The following FASTKD3 variants were observed in gnomAD, a reference collection of about 807,000 sequenced individuals.
FASTKD3 encodes the protein FAST kinase domain-containing protein 3, mitochondrial.
FASTKD3 carries 47 observed loss-of-function variants against 49.7 expected under a neutral mutation model. That is an observed-to-expected ratio of 0.95 (90% CI 0.75 to 1.21). FASTKD3 has a LOEUF of 1.21. FASTKD3 is among the 50% of genes most tolerant of loss of function. The pLI is 0.00. For missense variants in FASTKD3, 748 were observed against 765.7 expected (o/e 0.98, Z 0.27); for synonymous variants, 284 against 288.6 (o/e 0.98, Z 0.16).
intron 6 of FASTKD3, 77 bp from the exon 7 acceptor site, chr5:7,859,616 G>C: frequency 1.1e-6 from 1 of 914,830 alleles, no homozygotes; most frequent in South Asian, 1.7e-5. Flanking sequence ...TACTTTGTTT[G>C]TTTCTTACAC....
Position 7,865,884 on chromosome 5 carries a change from G to A in FASTKD3, c.1524+14C>T. On this transcript the variant is annotated intron_variant, in intron 3 of 6. Transcript: ENST00000264669. ...CCATGGGGAAATAAAGCCACATATAGTTCATGCTTTTACCTTATAGAAAGG... is the reference window on the plus strand; with the variant it reads ...CCATGGGGAAATAAAGCCACATATAATTCATGCTTTTACCTTATAGAAAGG... 1 of 1,603,740 alleles carries A rather than the reference G, an allele frequency of 6.2e-7. No homozygotes were observed. Among genetic ancestry groups the A allele is most frequent in the Non-Finnish European group, 8.5e-7 (1 of 1,170,586 alleles).
rs777537910 is a variant in FASTKD3, at chr5:7,868,105, TAACTA to T, written c.-27_-23del. On this transcript the variant is annotated 5_prime_UTR_variant, in exon 2 of 7. Coordinates refer to ENST00000264669, the MANE Select transcript of FASTKD3 (RefSeq NM_024091.4). ...CCATACCATCAGATTCTCAATTTGA[TAACTA>T]AATTAAAAAATTTAAAAACACATGG... The T allele has an allele frequency of 1.3e-6, 2 of 1,513,582 alleles. No individual in the cohort carries two copies. Among genetic ancestry groups the T allele is most frequent in the South Asian group, 2.5e-5 (2 of 79,194 alleles). The allele number at this position is 1,513,582 out of a possible 1,614,324, so 93.8% of individuals were successfully genotyped here.
intron 6 of FASTKD3, among the ~76,000 whole-genome samples, chr5:7,860,662 G>A (rs1186717773): frequency 6.6e-6 from 1 of 152,214 alleles, no homozygotes; most frequent in Admixed American, 6.5e-5. Context: ...AGTTAGTACT[G>A]TAAAAGCAAA....
rs770559770 is a variant in FASTKD3, at chr5:7,867,544, A to T, written c.540T>A (p.Thr180=). The T allele has an allele frequency of 6.2e-7, 1 of 1,614,278 alleles. No homozygotes were observed. The highest frequency in any genetic ancestry group is 8.5e-7 in the Non-Finnish European group (1 of 1,180,046). The part of the protein sequence containing the change: ...PSQLSNTSLV[T]ALQALILLHV... ...GCAACAGAATCAGAGCTTGCAAAGC[A>T]GTCACTAAACTAGTGTTTGACAGCT... Residue 180 remains threonine, a synonymous_variant, in exon 2 of 7, where the codon ACT becomes ACA. Transcript: ENST00000264669.
intron 2 of FASTKD3, 100 bp downstream of exon 2, chr5:7,866,546 G>A (rs1353121126): frequency 2.2e-6 from 2 of 900,568 alleles, no homozygotes; most frequent in Non-Finnish European, 1.7e-6. Context: ...CACTATGGAA[G>A]AAAAACTAAA....
At chr5:7,864,401 T>A (rs1746784844) in intron 3 of FASTKD3, among the ~76,000 whole-genome samples, 1 of 152,164 alleles carries the variant, frequency 6.6e-6, no homozygotes, top group African/African-American at 2.4e-5. Flanking sequence ...GCTCTTGAGA[T>A]AGGAACCTCG....
intron 6 of FASTKD3, among the ~76,000 whole-genome samples, chr5:7,860,858 A>G (rs1746487030): frequency 6.6e-6 from 1 of 152,340 alleles, no homozygotes; most frequent in Admixed American, 6.5e-5. Flanking sequence ...TCACAAACTA[A>G]TAATTATATA....
rs1561096718 is a variant in FASTKD3, at chr5:7,862,815, C to T, written c.1699+8G>A. On this transcript the variant is annotated splice_region_variant and intron_variant, in intron 4 of 6. Transcript: ENST00000264669. ...GTTTAAAACAACAAAACTCCTTATACTACTTACCTATTGTATAACAATAGG... is the reference window on the plus strand; with the variant it reads ...GTTTAAAACAACAAAACTCCTTATATTACTTACCTATTGTATAACAATAGG... 6.2e-7 allele frequency: 1 copy of T among 1,606,936 alleles called. No individual in the cohort carries two copies. Among genetic ancestry groups the T allele is most frequent in the East Asian group, 2.2e-5 (1 of 44,824 alleles).
At position 7,867,677 on chromosome 5, in the gene FASTKD3, C is replaced by T. The variant is rs368807642; in HGVS notation, c.407G>A (p.Arg136Gln). Residue 136 changes from arginine to glutamine, a missense_variant, in exon 2 of 7, where the codon CGA becomes CAA. This residue lies in a region of FASTKD3 where 564 missense variants were observed against 562.8 expected (regional missense o/e 1.00). Transcript: ENST00000264669. The stretch of plus-strand genomic sequence containing the variant: ...ATCCTTTTTTTCCACTTCACAAATT[C>T]GTTGTAAAGCTCCTGCTGCCATAGT... ...PDTMAAGALQ[R>Q]ICEVEKKDGD... is the part of the protein sequence containing the mutation. 3 of 1,614,182 alleles carry T rather than the reference C, an allele frequency of 1.9e-6. No homozygotes were observed. Among genetic ancestry groups the T allele is most frequent in the Non-Finnish European group, 2.5e-6 (3 of 1,180,028 alleles).
rs760463122 is a variant in FASTKD3 at position 7,861,794 on chromosome 5, C to T, written c.1700-142G>A. On this transcript the variant is annotated intron_variant, in intron 4 of 6. Coordinates refer to ENST00000264669, the MANE Select transcript of FASTKD3 (RefSeq NM_024091.4). ...GAAGGCTGCAAAGTAATGACCACAA[C>T]CAAACAATGGTGAGAATTTTAATTC... 21 of 1,392,914 alleles carry T rather than the reference C, an allele frequency of 1.5e-5. No homozygotes were observed. In the South Asian group the frequency reaches 3.4e-4, roughly 23 times the overall value. 86.3% of individuals were successfully genotyped at this position (1,392,914 alleles called of 1,614,324 possible).
rs759894376 is a variant in FASTKD3 at position 7,867,854 on chromosome 5, C to A, written c.230G>T (p.Gly77Val). 2 of 1,614,166 alleles carry A rather than the reference C, an allele frequency of 1.2e-6. No individual in the cohort carries two copies. The highest frequency in any genetic ancestry group is 2.2e-5 in the South Asian group (2 of 91,078). The change falls in exon 2 of 7, where the codon GGT (glycine) becomes GTT (valine). Residue 77 changes from glycine to valine, a missense_variant. Physicochemically the swap from Gly to Val is moderately radical, Grantham distance 109. Around this residue, in one of 3 missense-constraint regions of FASTKD3, gnomAD observed 564 missense variants for 562.8 expected, o/e 1.00. Transcript: ENST00000264669. ...AGATACTTGAGAGAACACTGGTCCA[C>A]CGAGTGGATGAAGGTCATTTCCATT... Reference protein sequence around the residue: ...SKNGNDLHPLGGPVFSQVSDC... With the variant: ...SKNGNDLHPLVGPVFSQVSDC...
chr5:7,864,037 G>A (rs1746753030), intron 3 of FASTKD3, among the ~76,000 whole-genome samples: 1 of 152,122 alleles, frequency 6.6e-6, no homozygotes, highest in Admixed American at 6.5e-5. Flanking sequence ...TTTTAGTAGA[G>A]ACAGGGTTTC....
chr5:7,860,728 T>G (rs1034070874), intron 6 of FASTKD3, among the ~76,000 whole-genome samples: 1 of 152,254 alleles, frequency 6.6e-6, no homozygotes, highest in African/African-American at 2.4e-5. Context: ...AGTTGGGCCT[T>G]GAAAATAACC....
chr5:7,866,033 A>G lies in FASTKD3; in HGVS notation c.1439-50T>C, dbSNP rs921489337. On this transcript the variant is annotated intron_variant, in intron 2 of 6. Coordinates refer to ENST00000264669, the MANE Select transcript of FASTKD3 (RefSeq NM_024091.4). Reference sequence around the variant, plus strand: ...TAGTTACGTCTGAATTGAGGTATGTATGAGAGAACATCATGAACATTCAAC... The same window carrying G: ...TAGTTACGTCTGAATTGAGGTATGTGTGAGAGAACATCATGAACATTCAAC... 3.0e-6 allele frequency: 4 copies of G among 1,340,866 alleles called. No homozygotes were observed. The African/African-American group carries it at 4.3e-5, about 14-fold the overall frequency. 83.1% of individuals were successfully genotyped at this position (1,340,866 alleles called of 1,614,324 possible). A position where few individuals can be genotyped will look rare whatever the true frequency, so the allele number is the denominator to read the frequency against.
intron 6 of FASTKD3, among the ~76,000 whole-genome samples, chr5:7,860,934 T>C (rs1746492131): frequency 6.6e-6 from 1 of 152,200 alleles, no homozygotes; most frequent in Non-Finnish European, 1.5e-5. Flanking sequence ...ACCAGTCAAG[T>C]AGATTCTTTG....
At chr5:7,863,636 T>C (rs985453250) in intron 3 of FASTKD3, among the ~76,000 whole-genome samples, 6 of 152,184 alleles carry the variant, frequency 3.9e-5, no homozygotes, top group Admixed American at 2.0e-4. Flanking sequence ...AAATGTGATA[T>C]AAATGACATT....
rs1746373787 is a variant in FASTKD3 at position 7,859,437 on chromosome 5, A to T, written c.1987T>A (p.Ter663ArgextTer20). 1 of 1,583,018 alleles carries T rather than the reference A, an allele frequency of 6.3e-7. No homozygotes were observed. The highest frequency in any genetic ancestry group is 8.6e-7 in the Non-Finnish European group (1 of 1,158,362). Residue 663 changes from the stop codon to arginine, a stop_lost, in exon 7 of 7, where the codon TGA (stop) becomes AGA (arginine). Transcript: ENST00000264669. The part of the protein sequence containing the change: ...SQNTVHWLQE[*>R] ...TGTTTGAGTTCTGAAGTCAGTATTC[A>T]TTCTTGCAACCAATGAACAGTGTTT...
In FASTKD3 at chr5:7,867,100, ATG is replaced by A; in HGVS notation, c.982_983del (p.His328PhefsTer3). ...LGKYVVRHVP[H>X]FTNEELRRVL... ...CTCTCCTAAGCTCCTCGTTAGTGAA[ATG>A]TGGGACATGCCTCACGACATATTTG... On this transcript the variant is annotated frameshift_variant, in exon 2 of 7. Transcript: ENST00000264669. LOFTEE classifies it high-confidence loss of function. The A allele has an allele frequency of 6.2e-7, 1 of 1,614,212 alleles. No individual in the cohort carries two copies. Among genetic ancestry groups the A allele is most frequent in the Non-Finnish European group, 8.5e-7 (1 of 1,180,038 alleles).
chr5:7,865,647 A>G (rs911056849), intron 3 of FASTKD3, among the ~76,000 whole-genome samples: 3 of 152,202 alleles, frequency 2.0e-5, no homozygotes, highest in African/African-American at 4.8e-5. Flanking sequence ...ATGGAGAAAT[A>G]CTGTAACTCA....
Sources: allele counts gnomAD v4.1 joint callset (sites outside exome capture counted in the v4.1 genomes callset), GRCh38; gene constraint gnomAD v4.1.1; regional missense constraint gnomAD v4.1.1; transcripts MANE v1.5; gene names NCBI Gene and HGNC (gene_info 2026-07-23, HGNC 2026-07-21).